CLEC18A: variants seen among roughly 807,000 people sequenced by gnomAD.
CLEC18A encodes C-type lectin domain family 18 member A.
Under a neutral mutation model 24.0 loss-of-function variants are expected in CLEC18A, and 5 were observed. The observed-to-expected ratio is 0.21, with a 90% CI of 0.11 to 0.44. CLEC18A has a LOEUF of 0.44. CLEC18A is among the 20% of genes least tolerant of loss of function. The pLI is 0.99. For missense variants in CLEC18A, 83 were observed against 233.4 expected, an observed-to-expected ratio of 0.36 and a Z score of 4.20; for synonymous variants, 29 against 100.1, an observed-to-expected ratio of 0.29 and a Z score of 4.24.
At chr16:69,946,776 G>T (rs1201631705), upstream of CLEC18A, among the ~76,000 whole-genome samples, 1 of 118,566 alleles carries the variant, frequency 8.4e-6, no homozygotes, top group African/African-American at 3.6e-5. Context: ...AGTGGATTTT[G>T]GTATGTTAAT....
chr16:69,965,842 TCCTC>T (rs1255709641), downstream of CLEC18A, among the ~76,000 whole-genome samples: 1 of 59,152 alleles, frequency 1.7e-5, no homozygotes, highest in Non-Finnish European at 2.9e-5. Flanking sequence ...GTCCTTCTCT[TCCTC>T]GGCTCCCGCC....
chr16:69,952,881 C>T (rs1323733446), intron 2 of CLEC18A: 1 of 143,836 alleles, frequency 7.0e-6, no homozygotes. Context: ...ACTCTAGGGT[C>T]AGTTTCCCAG....
At chr16:69,964,274 G>A (rs1428835992), downstream of CLEC18A, 18 of 147,422 alleles carry the variant, frequency 1.2e-4, no homozygotes, top group Admixed American at 8.7e-4. Context: ...TGCCCCCACC[G>A]GCGGAGTGTC....
chr16:69,965,577 C>G (rs1959362924), downstream of CLEC18A, among the ~76,000 whole-genome samples: 1 of 149,808 alleles, frequency 6.7e-6, no homozygotes, highest in South Asian at 2.2e-4. Context: ...ACCTGACGCG[C>G]CGTCGTGAGT....
At chr16:69,946,048 G>A (rs1190400277), upstream of CLEC18A, among the ~76,000 whole-genome samples, 6 of 130,976 alleles carry the variant, frequency 4.6e-5, no homozygotes, top group East Asian at 2.4e-4. Context: ...AGCCCAGATC[G>A]CGCCACTGCA....
chr16:69,946,833 T>C (rs115270517), upstream of CLEC18A, among the ~76,000 whole-genome samples: 432 of 71,598 alleles, frequency 6.0e-3, no homozygotes, highest in Middle Eastern at 0.019. Flanking sequence ...TTTTTTTTTA[T>C]ACATTCCTTC....
upstream of CLEC18A, among the ~76,000 whole-genome samples, chr16:69,945,818 T>C (rs1277060275): frequency 4.6e-5 from 7 of 152,158 alleles, no homozygotes; most frequent in Non-Finnish European, 1.0e-4. Context: ...ATTGGCCAGG[T>C]GCAGTGGCTC....
intron 2 of CLEC18A, chr16:69,953,156 G>GCCTC (rs1327619232): frequency 8.5e-5 from 13 of 152,514 alleles, no homozygotes; most frequent in African/African-American, 3.1e-4. Context: ...CCATGGCTCA[G>GCCTC]CCTCCCTCGT....
At chr16:69,964,926 C>G (rs1959321640), downstream of CLEC18A, among the ~76,000 whole-genome samples, 1 of 152,106 alleles carries the variant, frequency 6.6e-6, no homozygotes, top group Admixed American at 6.5e-5. Context: ...CTCAGCCACC[C>G]AAGTAGCTGC....
chr16:69,952,858 G>A (rs2058973265), intron 2 of CLEC18A: 1 of 148,650 alleles, frequency 6.7e-6, no homozygotes, highest in Non-Finnish European at 1.5e-5. Context: ...CGGCCACAGT[G>A]GCGACCTTGA....
At chr16:69,965,029 C>G (rs375172500), downstream of CLEC18A, among the ~76,000 whole-genome samples, 3 of 151,724 alleles carry the variant, frequency 2.0e-5, no homozygotes. Context: ...CTCGAACTCC[C>G]GTGCTCAAGC....
rs770551286 is a variant in CLEC18A at position 69,962,927 on chromosome 16, G to A, written c.1212-49G>A. Reference sequence around the variant, plus strand: ...TGGGTGGAGGGCTTAGGCCTCTCCCGGTCCCTGACTTCACTCTTGCCTCCT... The same window carrying A: ...TGGGTGGAGGGCTTAGGCCTCTCCCAGTCCCTGACTTCACTCTTGCCTCCT... On this transcript the variant is annotated intron_variant, in intron 10 of 11. Coordinates refer to ENST00000288040, the MANE Select transcript of CLEC18A (RefSeq NM_001370523.4). The A allele has an allele frequency of 1.5e-5, 21 of 1,388,858 alleles. 4 individuals carry two copies. Among genetic ancestry groups the A allele is most frequent in the South Asian group, 5.9e-5 (5 of 85,154 alleles). The allele number at this position is 1,388,858 out of a possible 1,614,324, so 86.0% of individuals were successfully genotyped here.
At chr16:69,947,958 G>T (rs1341879825), upstream of CLEC18A, among the ~76,000 whole-genome samples, 1 of 17,414 alleles carries the variant, frequency 5.7e-5, no homozygotes, top group Non-Finnish European at 8.8e-5. Flanking sequence ...CAGGCGATCC[G>T]CCCACCTCAG....
the CLEC18A span, among the ~76,000 whole-genome samples, chr16:69,944,448 C>T: frequency 6.6e-6 from 1 of 151,990 alleles, no homozygotes; most frequent in South Asian, 2.1e-4. Flanking sequence ...GAAGTAGCGG[C>T]TGACCAGGAG....
At chr16:69,965,515 G>C (rs1475969191), downstream of CLEC18A, among the ~76,000 whole-genome samples, 1 of 151,258 alleles carries the variant, frequency 6.6e-6, no homozygotes, top group Non-Finnish European at 1.5e-5. Flanking sequence ...GGACAGCACA[G>C]GCGGGGCGGC....
chr16:69,950,186 C>T (rs1272673310), upstream of CLEC18A, among the ~76,000 whole-genome samples: 3 of 124,886 alleles, frequency 2.4e-5, no homozygotes, highest in African/African-American at 7.6e-5. Flanking sequence ...CCACATTCCA[C>T]TGGTGTTTCC....
At chr16:69,956,093 A>G (rs1293976546) in intron 3 of CLEC18A, among the ~76,000 whole-genome samples, 1 of 151,600 alleles carries the variant, frequency 6.6e-6, no homozygotes, top group Non-Finnish European at 1.5e-5. Context: ...AAAAAAATAC[A>G]TAAATTACCC....
downstream of CLEC18A, among the ~76,000 whole-genome samples, chr16:69,965,619 G>T (rs946134679): frequency 4.0e-5 from 6 of 149,056 alleles, no homozygotes; most frequent in Admixed American, 2.7e-4. Flanking sequence ...GGGGGCCGGG[G>T]GCAGACACTG....
At chr16:69,943,532 G>A in the CLEC18A span, among the ~76,000 whole-genome samples, 2 of 152,068 alleles carry the variant, frequency 1.3e-5, no homozygotes, top group Admixed American at 6.6e-5. Context: ...ACCTCCTTAC[G>A]AGTGGAATCA....
Sources: gnomAD v4.1 joint callset for allele counts (sites outside exome capture counted in the v4.1 genomes callset) on GRCh38, gnomAD v4.1.1 for gene constraint, MANE v1.5 for transcripts, NCBI Gene and HGNC (gene_info 2026-07-23, HGNC 2026-07-21) for gene names.